Variants in NCK1 observed in about 807,000 individuals in gnomAD.
NCK1 encodes NCK adaptor protein 1.
In NCK1, 19 loss-of-function variants were observed where a neutral mutation model predicts 36.6. That is an observed-to-expected ratio of 0.52 (90% CI 0.36 to 0.76). The LOEUF (loss-of-function observed/expected upper bound fraction) is 0.76, where lower values mean the gene tolerates loss of function less well. Among genes scored for constraint, NCK1 ranks in the 30% least tolerant of loss-of-function variants. The pLI is 0.00. For synonymous variants in NCK1, 165 were observed against 156.0 expected, an observed-to-expected ratio of 1.06 and a Z score of -0.43; for missense variants, 358 against 445.6, an observed-to-expected ratio of 0.80 and a Z score of 1.77.
rs576609891 is a variant in NCK1 at position 136,924,698 on chromosome 3, G to A, written c.-18-3286G>A. ...TTTTTATGCATCAGAAACATTGTGA[G>A]TAGAGGTTCTATGTTTCACCACACT... On this transcript the variant is annotated intron_variant, in intron 1 of 3. Transcript: ENST00000481752. 5.9e-5 allele frequency among the ~76,000 whole-genome samples: 9 copies of A among 152,316 alleles called. No individual in the cohort carries two copies. In the South Asian group the frequency reaches 1.7e-3, roughly 28 times the overall value.
At chr3:136,893,510 A>T in intron 1 of NCK1, among the ~76,000 whole-genome samples, 1 of 151,784 alleles carries the variant, frequency 6.6e-6, no homozygotes, top group Non-Finnish European at 1.5e-5. Flanking sequence ...TTTCTTGCTG[A>T]TCTGAGTTCC....
chr3:136,872,383 C>G (rs1387867222), intron 1 of NCK1, among the ~76,000 whole-genome samples: 1 of 152,132 alleles, frequency 6.6e-6, no homozygotes, highest in Non-Finnish European at 1.5e-5. Context: ...TTTAGGGTGT[C>G]TGGTAGAAAA....
intron 1 of NCK1, among the ~76,000 whole-genome samples, chr3:136,866,306 T>C (rs544839219): frequency 6.6e-6 from 1 of 150,620 alleles, no homozygotes; most frequent in Non-Finnish European, 1.5e-5. Context: ...TTTTCTTTCT[T>C]TCTTTCTTTT....
chr3:136,871,753 G>A (rs946253985), intron 1 of NCK1, among the ~76,000 whole-genome samples: 2 of 152,178 alleles, frequency 1.3e-5, no homozygotes, highest in South Asian at 2.1e-4. Flanking sequence ...AACCTGGTGG[G>A]AGGTAATTGA....
At chr3:136,873,885 G>A (rs1239105095) in intron 1 of NCK1, among the ~76,000 whole-genome samples, 1 of 152,194 alleles carries the variant, frequency 6.6e-6, no homozygotes, top group Non-Finnish European at 1.5e-5. Context: ...GGAACTGTAA[G>A]TCCATTAAAC....
chr3:136,933,650 G>T (rs1940449079), intron 2 of NCK1, among the ~76,000 whole-genome samples: 1 of 152,028 alleles, frequency 6.6e-6, no homozygotes, highest in Non-Finnish European at 1.5e-5. Flanking sequence ...GATCTGAGCA[G>T]TTTCCTTCCA....
At chr3:136,867,053 T>TC (rs879635564) in intron 1 of NCK1, among the ~76,000 whole-genome samples, 67,312 of 97,780 alleles carry the variant, frequency 0.69, 20,020 homozygotes, top group South Asian at 0.74. Context: ...CTTGCTTTTC[T>TC]TTCTTTCTTT....
chr3:136,921,933 A>G (rs1940120762), intron 1 of NCK1, among the ~76,000 whole-genome samples: 1 of 152,104 alleles, frequency 6.6e-6, no homozygotes, highest in South Asian at 2.1e-4. Context: ...ACAGGCACGC[A>G]CCACCACGCC....
At chr3:136,924,322 G>A (rs1370640865) in intron 1 of NCK1, among the ~76,000 whole-genome samples, 1 of 152,170 alleles carries the variant, frequency 6.6e-6, no homozygotes, top group Non-Finnish European at 1.5e-5. Flanking sequence ...AGATAGGGGG[G>A]ATAGAGGAAC....
intron 1 of NCK1, among the ~76,000 whole-genome samples, chr3:136,890,205 G>C (rs939465340): frequency 2.6e-5 from 4 of 152,200 alleles, no homozygotes; most frequent in African/African-American, 9.6e-5. Flanking sequence ...GGCATTGCTG[G>C]GGGACCCAGT....
intron 1 of NCK1, among the ~76,000 whole-genome samples, chr3:136,891,840 T>C (rs1427094289): frequency 6.6e-6 from 1 of 152,248 alleles, no homozygotes; most frequent in Non-Finnish European, 1.5e-5. Flanking sequence ...TTGCATATCT[T>C]CTTTGGAGAA....
intron 2 of NCK1, among the ~76,000 whole-genome samples, chr3:136,940,710 A>G (rs1196721280): frequency 1.3e-5 from 2 of 151,856 alleles, no homozygotes; most frequent in African/African-American, 4.8e-5. Flanking sequence ...ATGCCTAACT[A>G]ATTTTTGTAT....
intron 2 of NCK1, 29 bp from the exon 3 acceptor site, chr3:136,945,551 TCTC>T: frequency 2.8e-6 from 4 of 1,427,004 alleles, no homozygotes; most frequent in South Asian, 2.7e-5. Context: ...TTTTTTATAT[TCTC>T]CTCTCATGGC....
intron 1 of NCK1, among the ~76,000 whole-genome samples, chr3:136,867,058 TTC>T (rs1938438117): frequency 3.2e-3 from 1 of 314 alleles, no homozygotes; most frequent in Non-Finnish European, 0.011. Flanking sequence ...TTTTCTTTCT[TTC>T]TTTCTTTCTT....
chr3:136,868,648 A>G (rs113125796), intron 1 of NCK1, among the ~76,000 whole-genome samples: 7 of 152,262 alleles, frequency 4.6e-5, no homozygotes, highest in African/African-American at 1.4e-4. Context: ...ATTGAATTCT[A>G]TCATCTGCTA....
chr3:136,947,377 A>G (rs1004744475), intron 3 of NCK1, among the ~76,000 whole-genome samples: 3 of 152,156 alleles, frequency 2.0e-5, no homozygotes, highest in Non-Finnish European at 4.4e-5. Context: ...GCAGAATTGT[A>G]TGTATTTTCT....
rs1327925814 is a variant in NCK1 at position 136,889,918 on chromosome 3, C to T, written c.-19+27565C>T. Among the ~76,000 whole-genome samples, 3 of 152,298 alleles carry T rather than the reference C, an allele frequency of 2.0e-5. No individual in the cohort carries two copies. In the East Asian group the frequency reaches 5.8e-4, roughly 29 times the overall value. ...AGATTCTCCAAGGCCCCACCAGACTCAGGAGCCCAGCTGGCTTCACCCAGT... is the reference window on the plus strand; with the variant it reads ...AGATTCTCCAAGGCCCCACCAGACTTAGGAGCCCAGCTGGCTTCACCCAGT... On this transcript the variant is annotated intron_variant, in intron 1 of 3. Coordinates refer to ENST00000481752, the MANE Select transcript of NCK1 (RefSeq NM_001291999.2).
chr3:136,872,158 A>G (rs2108068763), intron 1 of NCK1, among the ~76,000 whole-genome samples: 1 of 152,330 alleles, frequency 6.6e-6, no homozygotes, highest in African/African-American at 2.4e-5. Context: ...AAAATGTGGG[A>G]AAGTTTGGAA....
chr3:136,924,312 A>C (rs1458396011), intron 1 of NCK1, among the ~76,000 whole-genome samples: 1 of 152,220 alleles, frequency 6.6e-6, no homozygotes, highest in Non-Finnish European at 1.5e-5. Context: ...AGTTTATAGG[A>C]GATAGGGGGG....
Sources: gnomAD v4.1 joint callset for allele counts (sites outside exome capture counted in the v4.1 genomes callset) on GRCh38, gnomAD v4.1.1 for gene constraint, MANE v1.5 for transcripts, NCBI Gene and HGNC (gene_info 2026-07-23, HGNC 2026-07-21) for gene names.